Variants in ALDH4A1 observed in about 807,000 individuals in gnomAD.
ALDH4A1 encodes the protein delta-1-pyrroline-5-carboxylate dehydrogenase, mitochondrial.
ALDH4A1 carries 46 observed loss-of-function variants against 70.5 expected under a neutral mutation model. The observed-to-expected ratio is 0.65, with a 90% CI of 0.51 to 0.83. ALDH4A1 has a LOEUF of 0.83. Among genes scored for constraint, ALDH4A1 ranks in the 40% least tolerant of loss-of-function variants. The pLI, the probability that ALDH4A1 is intolerant of heterozygous loss-of-function variation, is 0.00. For synonymous variants in ALDH4A1, 323 were observed against 324.3 expected (o/e 1.00, Z 0.04); for missense variants, 749 against 766.5 (o/e 0.98, Z 0.27).
At chr1:18,896,763 C>G (rs534143943) in intron 1 of ALDH4A1, among the ~76,000 whole-genome samples, 3 of 152,158 alleles carry the variant, frequency 2.0e-5, no homozygotes, top group Non-Finnish European at 4.4e-5. Flanking sequence ...CATGGTGGCA[C>G]ATGCCTGTAA....
At chr1:18,897,191 G>C in intron 1 of ALDH4A1, 1 of 453,572 alleles carries the variant, frequency 2.2e-6, no homozygotes, top group Non-Finnish European at 4.5e-6. Flanking sequence ...TGGAACTTGG[G>C]AGTAGGGATG....
intron 1 of ALDH4A1, chr1:18,900,881 G>C (rs1342246482): frequency 1.0e-6 from 1 of 985,240 alleles, no homozygotes; most frequent in Non-Finnish European, 1.2e-6. Flanking sequence ...TTACCGGCTC[G>C]GTGTTAGGCC....
intron 7 of ALDH4A1, chr1:18,882,508 C>T: frequency 1.9e-6 from 1 of 514,524 alleles, no homozygotes. Flanking sequence ...CCGATAATGG[C>T]AGAGGAGTGA....
intron 1 of ALDH4A1, among the ~76,000 whole-genome samples, chr1:18,900,362 G>A (rs368375567): frequency 1.1e-3 from 172 of 152,304 alleles, no homozygotes; most frequent in African/African-American, 4.0e-3. Flanking sequence ...GGCATGTCAC[G>A]GGTGTGCTCT....
intron 1 of ALDH4A1, among the ~76,000 whole-genome samples, chr1:18,894,414 G>A (rs1291846287): frequency 4.6e-5 from 7 of 152,180 alleles, no homozygotes; most frequent in African/African-American, 1.2e-4. Context: ...GTGGTGGCAC[G>A]CGCCTATACA....
intron 14 of ALDH4A1, 46 bp from the exon 15 acceptor site, chr1:18,873,003 C>A: frequency 6.6e-7 from 1 of 1,520,128 alleles, no homozygotes; most frequent in South Asian, 1.1e-5. Context: ...ATGCAACAGC[C>A]TGGGCAGAAG....
intron 5 of ALDH4A1, 95 bp downstream of exon 5, chr1:18,885,378 C>A: frequency 7.4e-7 from 1 of 1,353,012 alleles, no homozygotes; most frequent in Non-Finnish European, 1.0e-6. Context: ...GCTTAGGACC[C>A]AGAAGCGCTT....
At chr1:18,900,095 A>G (rs1305011874) in intron 1 of ALDH4A1, among the ~76,000 whole-genome samples, 1 of 152,180 alleles carries the variant, frequency 6.6e-6, no homozygotes, top group Non-Finnish European at 1.5e-5. Context: ...ATTCCAGGTG[A>G]TTTTTCTATT....
At chr1:18,882,833 C>T (rs1935035758) in intron 7 of ALDH4A1, among the ~76,000 whole-genome samples, 1 of 152,242 alleles carries the variant, frequency 6.6e-6, no homozygotes. Flanking sequence ...TCATTTGAGC[C>T]TCACAACCCA....
chr1:18,885,464 G>A lies in ALDH4A1; in HGVS notation c.453+9C>T, dbSNP rs1158585538. ...CCGCCCCACCCACCCGGGCCCACCA[G>A]CACCTCACCTGTCCCACCATGGTCT... On this transcript the variant is annotated intron_variant, in intron 5 of 14. Transcript: ENST00000375341. The A allele has an allele frequency of 3.6e-6, 2 of 551,270 alleles. No homozygotes were observed. Among genetic ancestry groups the A allele is most frequent in the Non-Finnish European group, 4.8e-6 (2 of 416,090 alleles). The allele number at this position is 551,270 out of a possible 1,614,324, so 34.1% of individuals were successfully genotyped here.
At chr1:18,878,903 G>A (rs1406932797) in intron 9 of ALDH4A1, among the ~76,000 whole-genome samples, 1 of 152,162 alleles carries the variant, frequency 6.6e-6, no homozygotes, top group Non-Finnish European at 1.5e-5. Flanking sequence ...GCCTTGCTTT[G>A]TTTCTTCAAA....
chr1:18,900,018 T>C (rs953762241), intron 1 of ALDH4A1, among the ~76,000 whole-genome samples: 1 of 152,212 alleles, frequency 6.6e-6, no homozygotes, highest in Non-Finnish European at 1.5e-5. Flanking sequence ...TTTAAAAGCA[T>C]ATCTATTCAT....
intron 1 of ALDH4A1, among the ~76,000 whole-genome samples, chr1:18,902,158 A>G (rs1569813612): frequency 6.6e-6 from 1 of 152,210 alleles, no homozygotes; most frequent in African/African-American, 2.4e-5. Context: ...GAGTGACTAC[A>G]GAGGCTACTT....
intron 1 of ALDH4A1, among the ~76,000 whole-genome samples, chr1:18,891,200 G>A (rs1019106298): frequency 6.6e-6 from 1 of 152,172 alleles, no homozygotes; most frequent in African/African-American, 2.4e-5. Context: ...CTTCAGGCCT[G>A]TTTCCCCCTC....
chr1:18,885,440 C>CCCCCCCCCCCCCCCCGG, intron 5 of ALDH4A1, 33 bp downstream of exon 5: 12 of 665,754 alleles, frequency 1.8e-5, no homozygotes, highest in East Asian at 3.0e-5. Flanking sequence ...CACCCCACCC[C>CCCCCCCCCCCCCCCCGG]GCCCCACCCA....
At chr1:18,892,986 T>C (rs1288991099) in intron 1 of ALDH4A1, among the ~76,000 whole-genome samples, 1 of 152,220 alleles carries the variant, frequency 6.6e-6, no homozygotes. Context: ...GACAGGGACC[T>C]CAGCTAAGCT....
At chr1:18,897,631 T>G (rs1935668751) in intron 1 of ALDH4A1, among the ~76,000 whole-genome samples, 1 of 152,240 alleles carries the variant, frequency 6.6e-6, no homozygotes, top group Non-Finnish European at 1.5e-5. Context: ...TGTTTACGGA[T>G]GAGGTTCAGA....
chr1:18,876,520 G>T, intron 11 of ALDH4A1, 53 bp from the exon 12 acceptor site: 1 of 1,525,678 alleles, frequency 6.6e-7, no homozygotes, highest in Admixed American at 2.0e-5. Context: ...GCATCCCTGC[G>T]GCAGCCCCCA....
intron 1 of ALDH4A1, chr1:18,900,765 G>A: frequency 1.3e-6 from 1 of 752,682 alleles, no homozygotes; most frequent in Non-Finnish European, 1.6e-6. Context: ...AATTCAGGAG[G>A]CCTCATAATT....
Sources: gnomAD v4.1 joint callset for allele counts (sites outside exome capture counted in the v4.1 genomes callset) on GRCh38, gnomAD v4.1.1 for gene constraint, MANE v1.5 for transcripts, NCBI Gene and HGNC (gene_info 2026-07-23, HGNC 2026-07-21) for gene names.